The following SHTN1 variants were observed in gnomAD, a reference collection of about 807,000 sequenced individuals.
SHTN1 encodes the protein shootin 1.
SHTN1 carries 42 observed loss-of-function variants against 83.1 expected under a neutral mutation model. The ratio of observed to expected loss-of-function variants is 0.51; its 90% confidence interval spans 0.39 to 0.65. SHTN1 has a LOEUF of 0.65. Ranked by LOEUF, SHTN1 falls within the 30% of genes least tolerant of loss-of-function variation. The pLI is 0.00. For synonymous variants in SHTN1, 224 were observed against 247.7 expected, an observed-to-expected ratio of 0.90 and a Z score of 0.90; for missense variants, 622 against 737.8, an observed-to-expected ratio of 0.84 and a Z score of 1.82.
intron 1 of SHTN1, among the ~76,000 whole-genome samples, chr10:117,064,654 CAAA>C (rs11376208): frequency 5.1e-5 from 7 of 136,476 alleles, no homozygotes; most frequent in South Asian, 2.4e-4. Context: ...GACTTTGTCT[CAAA>C]AAAAAAAAAA....
Position 117,005,110 on chromosome 10 carries a change from A to C in SHTN1, c.-31T>G. On this transcript the variant is annotated 5_prime_UTR_variant, in exon 1 of 17. Transcript: ENST00000355371. ...CGGGTGGGGCCGGGAATAAAAGGGAAAGAGGGAGCGGCGCGGGGCACACAG... is the reference window on the plus strand; with the variant it reads ...CGGGTGGGGCCGGGAATAAAAGGGACAGAGGGAGCGGCGCGGGGCACACAG... 1 of 1,578,936 alleles carries C rather than the reference A, an allele frequency of 6.3e-7. No individual in the cohort carries two copies. Among genetic ancestry groups the C allele is most frequent in the East Asian group, 2.3e-5 (1 of 43,846 alleles).
At chr10:116,967,309 T>G (rs1170777485) in intron 3 of SHTN1, among the ~76,000 whole-genome samples, 2 of 152,186 alleles carry the variant, frequency 1.3e-5, no homozygotes, top group Non-Finnish European at 2.9e-5. Flanking sequence ...TAGCAAAAAT[T>G]TGGAAAGTAC....
chr10:116,951,692 C>G lies in SHTN1; in HGVS notation c.534+217G>C, dbSNP rs147568150. ...AACAGGAAACATGTCCATGCTATTTCAGAATTTTATTTATTAAGCTAGCTA... is the reference window on the plus strand; with the variant it reads ...AACAGGAAACATGTCCATGCTATTTGAGAATTTTATTTATTAAGCTAGCTA... On this transcript the variant is annotated intron_variant, in intron 6 of 16. Transcript: ENST00000355371. 6.4e-3 allele frequency among the ~76,000 whole-genome samples: 969 copies of G among 152,304 alleles called. 4 individuals are homozygous for G. The highest frequency in any genetic ancestry group is 0.011 in the Non-Finnish European group (738 of 68,028).
At position 117,123,234 on chromosome 10, in the gene SHTN1, T is replaced by C. The variant is rs564744402; in HGVS notation, c.-189+3073A>G. On this transcript the variant is annotated intron_variant, in intron 1 of 17. Transcript: ENST00000392901. ...TCAGGCTGGTCTCAAACTCCTGACC[T>C]CAGGTGATCTGCCTGCCTCGGCCTC... is the stretch of plus-strand genomic sequence containing the variant. Among the ~76,000 whole-genome samples the C allele has an allele frequency of 3.3e-3, 501 of 152,304 alleles. 2 individuals are homozygous for C. The highest frequency in any genetic ancestry group is 0.011 in the African/African-American group (447 of 41,566).
At chr10:117,045,331 A>G (rs1450950997) in intron 2 of SHTN1, among the ~76,000 whole-genome samples, 2 of 152,188 alleles carry the variant, frequency 1.3e-5, no homozygotes, top group African/African-American at 4.8e-5. Flanking sequence ...TGATCTTGGT[A>G]AGAACAATGA....
intron 6 of SHTN1, among the ~76,000 whole-genome samples, chr10:116,950,623 TA>T (rs1849743074): frequency 6.6e-6 from 1 of 152,156 alleles, no homozygotes; most frequent in Non-Finnish European, 1.5e-5. Flanking sequence ...GAAACAAAGA[TA>T]ATGGTCCTGA....
chr10:116,935,433 T>C (rs1849123170), intron 9 of SHTN1, among the ~76,000 whole-genome samples: 1 of 152,238 alleles, frequency 6.6e-6, no homozygotes, highest in Admixed American at 6.5e-5. Context: ...CATGTGGTTT[T>C]TGTCATTGGT....
intron 8 of SHTN1, among the ~76,000 whole-genome samples, chr10:116,943,567 G>C (rs543237630): frequency 6.6e-6 from 1 of 152,150 alleles, no homozygotes; most frequent in African/African-American, 2.4e-5. Context: ...CAAGTAATAA[G>C]AGAAAAATAT....
chr10:116,977,662 C>CTGTGTG (rs750351561), intron 2 of SHTN1, among the ~76,000 whole-genome samples: 3,500 of 147,828 alleles, frequency 0.024, 57 homozygotes, highest in Admixed American at 0.056. Context: ...CTTTCTTACT[C>CTGTGTG]TGTGTGTGTG....
rs1041487740 is a variant in SHTN1, at chr10:117,104,927, T to C, written c.-189+21380A>G. ...GAGTTGGATTAAATTCCACCCAGGC[T>C]AGTCTCCCTTCCCTTCAACACACAT... On this transcript the variant is annotated intron_variant, in intron 1 of 17. Coordinates refer to the SHTN1 transcript ENST00000392901. Among the ~76,000 whole-genome samples, 12 of 151,852 alleles carry C rather than the reference T, an allele frequency of 7.9e-5. 1 individual carries two copies. Among genetic ancestry groups the C allele is most frequent in the Non-Finnish European group, 1.6e-4 (11 of 67,996 alleles).
At chr10:117,079,041 TA>T (rs1168151646) in intron 1 of SHTN1, among the ~76,000 whole-genome samples, 17 of 152,200 alleles carry the variant, frequency 1.1e-4, no homozygotes, top group South Asian at 4.1e-4. Context: ...TATTTTTATT[TA>T]TTTTTTTATT....
chr10:116,919,571 T>C (rs1178102027), intron 12 of SHTN1, among the ~76,000 whole-genome samples: 1 of 152,194 alleles, frequency 6.6e-6, no homozygotes, highest in African/African-American at 2.4e-5. Flanking sequence ...AGTTGACAAG[T>C]TGGTGATGTG....
At chr10:116,951,555 C>A (rs756903263) in intron 6 of SHTN1, among the ~76,000 whole-genome samples, 7 of 152,154 alleles carry the variant, frequency 4.6e-5, no homozygotes, top group African/African-American at 1.7e-4. Flanking sequence ...AGTCATTCAC[C>A]GGAAAAGCAA....
At chr10:117,121,316 G>A (rs970250481) in intron 1 of SHTN1, among the ~76,000 whole-genome samples, 6 of 152,138 alleles carry the variant, frequency 3.9e-5, no homozygotes, top group African/African-American at 7.2e-5. Context: ...GGTGGCTTAC[G>A]CCTGTAATCC....
Position 116,906,720 on chromosome 10 carries a change from T to C in SHTN1, c.1387A>G (p.Arg463Gly). Residue 463 changes from arginine to glycine, a missense_variant, in exon 15 of 17, where the codon AGA becomes GGA. Physicochemically the swap from Arg to Gly is moderately radical, Grantham distance 125. Around this residue, in one of 3 missense-constraint regions of SHTN1, gnomAD observed 231 missense variants for 251.6 expected, o/e 0.92. Coordinates refer to ENST00000355371, the MANE Select transcript of SHTN1 (RefSeq NM_001127211.3). ...TCAGGGTCAAGGGATTTTAAGCTTC[T>C]TGAACTAGTGGATTTGTTAAGTGTC... is the stretch of plus-strand genomic sequence containing the variant. ...LGTLNKSTSS[R>G]SLKSLDPENS... The C allele has an allele frequency of 2.5e-6, 4 of 1,613,010 alleles. No homozygotes were observed. The highest frequency in any genetic ancestry group is 2.2e-5 in the South Asian group (2 of 90,878).
chr10:116,976,729 G>C (rs567469828), intron 2 of SHTN1, among the ~76,000 whole-genome samples: 1 of 152,022 alleles, frequency 6.6e-6, no homozygotes, highest in Non-Finnish European at 1.5e-5. Context: ...TCCCTCCTTT[G>C]TAATACAGCC....
intron 1 of SHTN1, among the ~76,000 whole-genome samples, chr10:117,084,446 T>A (rs1271213974): frequency 2.0e-5 from 3 of 152,216 alleles, no homozygotes; most frequent in African/African-American, 7.2e-5. Flanking sequence ...TTCAAAGCTG[T>A]CAGACAGGGT....
At chr10:117,120,222 T>C (rs1387580640) in intron 1 of SHTN1, among the ~76,000 whole-genome samples, 1 of 151,908 alleles carries the variant, frequency 6.6e-6, no homozygotes, top group Non-Finnish European at 1.5e-5. Flanking sequence ...GCTTGAGGGA[T>C]GGATATCCCA....
intron 2 of SHTN1, among the ~76,000 whole-genome samples, chr10:116,975,479 T>C (rs1036227770): frequency 6.6e-6 from 1 of 152,166 alleles, no homozygotes; most frequent in Non-Finnish European, 1.5e-5. Flanking sequence ...CGTGGTTATT[T>C]GTCAACTTAT....
Sources: allele counts gnomAD v4.1 joint callset (sites outside exome capture counted in the v4.1 genomes callset), GRCh38; gene constraint gnomAD v4.1.1; regional missense constraint gnomAD v4.1.1; transcripts MANE v1.5; gene names NCBI Gene and HGNC (gene_info 2026-07-23, HGNC 2026-07-21).